The following NECTIN3 variants were observed in gnomAD, a reference collection of about 807,000 sequenced individuals.
NECTIN3 encodes the protein nectin-3.
NECTIN3 carries 8 observed loss-of-function variants against 49.4 expected under a neutral mutation model. The observed-to-expected ratio is 0.16, with a 90% CI of 0.10 to 0.29. The LOEUF is 0.29. Ranked by LOEUF, NECTIN3 falls within the 10% of genes least tolerant of loss-of-function variation. NECTIN3 has a pLI of 1.00. For synonymous variants in NECTIN3, 277 were observed against 241.1 expected (o/e 1.15, Z -1.38); for missense variants, 581 against 654.6 (o/e 0.89, Z 1.23).
chr3:111,130,641 C>A (rs1354010990), intron 5 of NECTIN3, among the ~76,000 whole-genome samples: 1 of 152,064 alleles, frequency 6.6e-6, no homozygotes, highest in Non-Finnish European at 1.5e-5. Context: ...ACAGAATAAG[C>A]AACTCTGAGG....
intron 7 of NECTIN3, among the ~76,000 whole-genome samples, chr3:111,157,864 A>C (rs1184433780): frequency 6.6e-6 from 1 of 152,088 alleles, no homozygotes; most frequent in African/African-American, 2.4e-5. Flanking sequence ...TGTTCTACAT[A>C]GATATCTTCA....
intron 5 of NECTIN3, 32 bp downstream of exon 5, chr3:111,126,367 T>C: frequency 1.3e-6 from 2 of 1,544,400 alleles, no homozygotes; most frequent in Non-Finnish European, 1.8e-6. Flanking sequence ...AAATGAGTTA[T>C]TTAAAATATT....
chr3:111,110,276 T>A (rs1251862041), intron 1 of NECTIN3, among the ~76,000 whole-genome samples: 1 of 152,142 alleles, frequency 6.6e-6, no homozygotes, highest in African/African-American at 2.4e-5. Context: ...TACCCATGCC[T>A]CTTTCTGTTT....
At chr3:111,103,020 T>C (rs918844861) in intron 1 of NECTIN3, among the ~76,000 whole-genome samples, 3 of 152,170 alleles carry the variant, frequency 2.0e-5, no homozygotes, top group African/African-American at 7.2e-5. Flanking sequence ...GTCTATTCTT[T>C]AGCCAATACC....
At chr3:111,104,551 C>T (rs748503757) in intron 1 of NECTIN3, among the ~76,000 whole-genome samples, 1 of 152,036 alleles carries the variant, frequency 6.6e-6, no homozygotes, top group Non-Finnish European at 1.5e-5. Flanking sequence ...AACTCCTGAG[C>T]TCAAACGGTC....
At chr3:111,183,902 A>G (rs2107534102) in intron 7 of NECTIN3, among the ~76,000 whole-genome samples, 1 of 152,160 alleles carries the variant, frequency 6.6e-6, no homozygotes, top group Non-Finnish European at 1.5e-5. Context: ...AGGTTTATAT[A>G]TTTCATAAAA....
At chr3:111,163,783 A>G (rs148353679) in intron 7 of NECTIN3, among the ~76,000 whole-genome samples, 8 of 152,270 alleles carry the variant, frequency 5.3e-5, no homozygotes, top group Admixed American at 3.3e-4. Context: ...TTATGTCACA[A>G]TGATTTTTTT....
chr3:111,162,681 C>T (rs559592035), intron 7 of NECTIN3, among the ~76,000 whole-genome samples: 1 of 152,262 alleles, frequency 6.6e-6, no homozygotes, highest in African/African-American at 2.4e-5. Flanking sequence ...CCACAGCCAA[C>T]AGTGTTGTTA....
chr3:111,160,855 A>G (rs1037014199), intron 7 of NECTIN3, among the ~76,000 whole-genome samples: 1 of 152,100 alleles, frequency 6.6e-6, no homozygotes, highest in Non-Finnish European at 1.5e-5. Flanking sequence ...AAAATACAAA[A>G]ACTTAGCCGG....
intron 7 of NECTIN3, among the ~76,000 whole-genome samples, chr3:111,171,764 G>A (rs1309859673): frequency 4.0e-5 from 6 of 150,488 alleles, no homozygotes; most frequent in Non-Finnish European, 7.4e-5. Context: ...CTCCTGGTAA[G>A]TTAAAAAAAA....
chr3:111,134,534 A>G lies in NECTIN3; in HGVS notation c.*319A>G, dbSNP rs973880272. 3.0e-6 allele frequency: 3 copies of G among 993,514 alleles called. No homozygotes were observed. Among genetic ancestry groups the G allele is most frequent in the Non-Finnish European group, 2.4e-6 (2 of 828,018 alleles). 61.5% of individuals were successfully genotyped at this position (993,514 alleles called of 1,614,324 possible). A position where few individuals can be genotyped will look rare whatever the true frequency, so the allele number is the denominator to read the frequency against. The stretch of plus-strand genomic sequence containing the variant: ...GACTTACTTGGTACAAAAATTTTTT[A>G]AAAAGGGAACTACCTTGACATTGTG... On this transcript the variant is annotated 3_prime_UTR_variant, in exon 6 of 6. Coordinates refer to ENST00000485303, the MANE Select transcript of NECTIN3 (RefSeq NM_015480.3).
At chr3:111,087,210 T>C (rs933268043) in intron 1 of NECTIN3, among the ~76,000 whole-genome samples, 2 of 152,196 alleles carry the variant, frequency 1.3e-5, no homozygotes, top group Non-Finnish European at 2.9e-5. Flanking sequence ...TGTATTGTTT[T>C]TCTTTTCCTT....
Position 111,095,565 on chromosome 3 carries a change from T to G in NECTIN3, c.161-16465T>G, listed in dbSNP as rs73229176. Among the ~76,000 whole-genome samples the G allele has an allele frequency of 3.3e-3, 508 of 152,300 alleles. 2 individuals carry two copies. Among genetic ancestry groups the G allele is most frequent in the Non-Finnish European group, 4.3e-3 (290 of 68,024 alleles). Reference sequence around the variant, plus strand: ...TCCTTCCTGTTCCCCTGCCCCTTACTTTTTTCAACAGCTTTACATATTAAT... The same window carrying G: ...TCCTTCCTGTTCCCCTGCCCCTTACGTTTTTCAACAGCTTTACATATTAAT... On this transcript the variant is annotated intron_variant, in intron 1 of 5. Coordinates refer to ENST00000485303, the MANE Select transcript of NECTIN3 (RefSeq NM_015480.3).
Position 111,122,366 on chromosome 3 carries a change from G to C in NECTIN3, c.917+128G>C, listed in dbSNP as rs189195047. The C allele has an allele frequency of 7.6e-4, 512 of 675,498 alleles. 1 individual carries two copies. In the African/African-American group the frequency reaches 8.4e-3, roughly 11 times the overall value. 41.8% of individuals were successfully genotyped at this position (675,498 alleles called of 1,614,324 possible). A position where few individuals can be genotyped will look rare whatever the true frequency, so the allele number is the denominator to read the frequency against. ...GCAGAAAATTTTAATTAAATTTTCT[G>C]TCTTATCCTTCCCCACCTGTCCCCA... is the stretch of plus-strand genomic sequence containing the variant. On this transcript the variant is annotated intron_variant, in intron 4 of 5. Coordinates refer to ENST00000485303, the MANE Select transcript of NECTIN3 (RefSeq NM_015480.3).
chr3:111,140,777 C>T (rs1022692212), downstream of NECTIN3, among the ~76,000 whole-genome samples: 4 of 151,848 alleles, frequency 2.6e-5, no homozygotes. Flanking sequence ...TCTTCTGGAA[C>T]TGTCCCATTT....
rs148824226 is a variant in NECTIN3, at chr3:111,124,844, G to A, written c.918-1340G>A. Among the ~76,000 whole-genome samples the A allele has an allele frequency of 6.2e-4, 95 of 152,128 alleles. No homozygotes were observed. In the Middle Eastern group the frequency reaches 0.01, roughly 16 times the overall value. ...ATGTACTTACATAATTGAAAATAGAGACTACATTTTATTTACTTCTGTATC... is the reference window on the plus strand; with the variant it reads ...ATGTACTTACATAATTGAAAATAGAAACTACATTTTATTTACTTCTGTATC... On this transcript the variant is annotated intron_variant, in intron 4 of 5. Transcript: ENST00000485303.
Position 111,071,940 on chromosome 3 carries a change from C to G in NECTIN3, c.-78C>G. ...ACGCGCGCGCCGGACCTTCCACAGC[C>G]TCCGCCCAGAGCCTGAGGCGCCGGG... is the stretch of plus-strand genomic sequence containing the variant. On this transcript the variant is annotated 5_prime_UTR_variant, in exon 1 of 6. Transcript: ENST00000485303. The G allele has an allele frequency of 9.1e-7, 1 of 1,102,484 alleles. No individual in the cohort carries two copies. Among genetic ancestry groups the G allele is most frequent in the Non-Finnish European group, 1.2e-6 (1 of 835,456 alleles). 68.3% of individuals were successfully genotyped at this position (1,102,484 alleles called of 1,614,324 possible). A position where few individuals can be genotyped will look rare whatever the true frequency, so the allele number is the denominator to read the frequency against.
intron 7 of NECTIN3, among the ~76,000 whole-genome samples, chr3:111,181,648 C>G (rs1247017386): frequency 6.6e-6 from 1 of 152,052 alleles, no homozygotes; most frequent in South Asian, 2.1e-4. Context: ...TTAGTTTCAT[C>G]TAGGTTGTCA....
chr3:111,095,600 T>G (rs2032539773), intron 1 of NECTIN3, among the ~76,000 whole-genome samples: 1 of 152,232 alleles, frequency 6.6e-6, no homozygotes, highest in African/African-American at 2.4e-5. Flanking sequence ...TATGGTTTGG[T>G]GGTGTCCTCA....
Sources: allele counts gnomAD v4.1 joint callset (sites outside exome capture counted in the v4.1 genomes callset), GRCh38; gene constraint gnomAD v4.1.1; transcripts MANE v1.5; gene names NCBI Gene and HGNC (gene_info 2026-07-23, HGNC 2026-07-21).